The following GFRA2 variants were observed in gnomAD, a reference collection of about 807,000 sequenced individuals.
GFRA2 encodes GDNF family receptor alpha 2, also known as GDNF family receptor alpha-2.
A neutral mutation model predicts 48.3 loss-of-function variants in GFRA2; 17 were observed. The ratio of observed to expected loss-of-function variants is 0.35; its 90% CI spans 0.24 to 0.53. GFRA2 has a LOEUF of 0.53. Among genes scored for constraint, GFRA2 ranks in the 20% least tolerant of loss-of-function variants. GFRA2 has a pLI of 0.93. For synonymous variants in GFRA2, 305 were observed against 257.2 expected (o/e 1.19, Z -1.78); for missense variants, 660 against 637.3 (o/e 1.04, Z -0.38).
intron 3 of GFRA2, among the ~76,000 whole-genome samples, chr8:21,763,807 C>G (rs1430707987): frequency 6.6e-6 from 1 of 151,924 alleles, no homozygotes; most frequent in Non-Finnish European, 1.5e-5. Context: ...CCAGCCTACA[C>G]TTCCCAGCCT....
intron 3 of GFRA2, among the ~76,000 whole-genome samples, chr8:21,773,851 C>T (rs1585326524): frequency 6.6e-6 from 1 of 152,170 alleles, no homozygotes; most frequent in Non-Finnish European, 1.5e-5. Flanking sequence ...TGTCTGGGGA[C>T]ATCTTTGTTG....
At chr8:21,774,139 G>C (rs1442934567) in intron 3 of GFRA2, among the ~76,000 whole-genome samples, 2 of 151,956 alleles carry the variant, frequency 1.3e-5, no homozygotes, top group African/African-American at 4.8e-5. Flanking sequence ...CAATCCCCTA[G>C]AGGAGCTCAC....
intron 3 of GFRA2, among the ~76,000 whole-genome samples, chr8:21,757,714 A>G (rs1414636419): frequency 2.0e-5 from 3 of 151,966 alleles, no homozygotes; most frequent in Non-Finnish European, 4.4e-5. Context: ...TGTTGGCCAG[A>G]TGGTCTCGAA....
chr8:21,748,347 T>C (rs1805112290), intron 4 of GFRA2, among the ~76,000 whole-genome samples: 1 of 152,134 alleles, frequency 6.6e-6, no homozygotes, highest in Non-Finnish European at 1.5e-5. Flanking sequence ...CATCATTCAT[T>C]TATCCATTCA....
intron 2 of GFRA2, among the ~76,000 whole-genome samples, chr8:21,794,222 C>A (rs1183488214): frequency 2.1e-5 from 3 of 145,302 alleles, no homozygotes; most frequent in Admixed American, 6.9e-5. Flanking sequence ...TTAAGCTTAT[C>A]CTGAGAGTGA....
chr8:21,737,711 C>G (rs1804540417), intron 4 of GFRA2, among the ~76,000 whole-genome samples: 2 of 152,248 alleles, frequency 1.3e-5, no homozygotes, highest in South Asian at 4.1e-4. Context: ...AGCCTCCCTC[C>G]CTCTGGTCCC....
chr8:21,707,277 T>C (rs1802794873), intron 4 of GFRA2, among the ~76,000 whole-genome samples: 1 of 152,090 alleles, frequency 6.6e-6, no homozygotes, highest in African/African-American at 2.4e-5. Context: ...CATGAAGCCA[T>C]CTCCGAGTTC....
intron 2 of GFRA2, among the ~76,000 whole-genome samples, chr8:21,794,296 G>A (rs1190755296): frequency 1.6e-5 from 2 of 127,492 alleles, no homozygotes; most frequent in Non-Finnish European, 3.1e-5. Flanking sequence ...AGGCTGGAGT[G>A]CTAGAGTGCA....
chr8:21,729,775 G>A (rs1804089389), intron 4 of GFRA2, among the ~76,000 whole-genome samples: 1 of 152,014 alleles, frequency 6.6e-6, no homozygotes, highest in African/African-American at 2.4e-5. Context: ...ACCCCCAAAG[G>A]GCTTCTCAGA....
chr8:21,704,110 G>A (rs1454568354), intron 6 of GFRA2, among the ~76,000 whole-genome samples: 2 of 152,204 alleles, frequency 1.3e-5, no homozygotes, highest in Non-Finnish European at 2.9e-5. Flanking sequence ...ATGTAGCAAG[G>A]CTACGTGATT....
rs1466316392 is a variant in GFRA2, at chr8:21,690,537, T to A, written c.*2741A>T. On this transcript the variant is annotated 3_prime_UTR_variant, in exon 9 of 9. Coordinates refer to ENST00000524240, the MANE Select transcript of GFRA2 (RefSeq NM_001495.5). Reference sequence around the variant, plus strand: ...CATGTGATACTTGGATAGGGAGACATTTGAGGGCAGAGTAAAGCTAGCTAG... The same window carrying A: ...CATGTGATACTTGGATAGGGAGACAATTGAGGGCAGAGTAAAGCTAGCTAG... 1 of 152,218 alleles carries A rather than the reference T, an allele frequency of 6.6e-6. No homozygotes were observed. Among genetic ancestry groups the A allele is most frequent in the Admixed American group, 6.5e-5 (1 of 15,284 alleles). 9.4% of individuals were successfully genotyped at this position (152,218 alleles called of 1,614,324 possible). A position where few individuals can be genotyped will look rare whatever the true frequency, so the allele number is the denominator to read the frequency against.
chr8:21,716,709 G>A (rs928381209), intron 4 of GFRA2, among the ~76,000 whole-genome samples: 2 of 152,110 alleles, frequency 1.3e-5, no homozygotes, highest in East Asian at 1.9e-4. Flanking sequence ...GCATGCATAC[G>A]CCTCCAATAA....
intron 4 of GFRA2, among the ~76,000 whole-genome samples, chr8:21,747,005 C>A (rs1185325524): frequency 6.6e-6 from 1 of 152,138 alleles, no homozygotes; most frequent in Non-Finnish European, 1.5e-5. Context: ...CACTCCTCTA[C>A]CTGAGATGCC....
At chr8:21,811,128 C>T (rs143829981) in intron 1 of GFRA2, among the ~76,000 whole-genome samples, 1 of 152,340 alleles carries the variant, frequency 6.6e-6, no homozygotes, top group African/African-American at 2.4e-5. Context: ...AGGGCCAGGA[C>T]ACAGCCGGCA....
chr8:21,756,223 G>A (rs929597897), intron 3 of GFRA2, among the ~76,000 whole-genome samples: 5 of 152,202 alleles, frequency 3.3e-5, no homozygotes, highest in African/African-American at 9.7e-5. Context: ...CTTCCATTTG[G>A]AGCTTGAATA....
At chr8:21,747,654 T>TCCCTGG (rs937246037) in intron 4 of GFRA2, among the ~76,000 whole-genome samples, 2 of 151,778 alleles carry the variant, frequency 1.3e-5, no homozygotes, top group Non-Finnish European at 2.9e-5. Context: ...CTCTCTGCGG[T>TCCCTGG]CCCTGGCCCT....
chr8:21,798,404 T>G (rs1807715019), intron 2 of GFRA2, among the ~76,000 whole-genome samples: 1 of 151,658 alleles, frequency 6.6e-6, no homozygotes, highest in Non-Finnish European at 1.5e-5. Context: ...GGGATGTGTG[T>G]ACTGTTGAAT....
intron 7 of GFRA2, among the ~76,000 whole-genome samples, chr8:21,698,817 C>T (rs1585223151): frequency 6.6e-6 from 1 of 152,146 alleles, no homozygotes; most frequent in Admixed American, 6.5e-5. Context: ...AGCAGACCCC[C>T]ACTCAGCACT....
chr8:21,704,986 G>A lies in GFRA2; in HGVS notation c.1044C>T (p.Leu348=). ...TTGGGGAGAACATCCAGAACTTACG[G>A]AGGCATGGGTTCTCGGTGAAGTCCC... ...FLRDFTENPC[L]RNAIQAFGNG... Residue 348 remains leucine, a splice_region_variant and synonymous_variant, in exon 6 of 9, where the codon CTC becomes CTT. Coordinates refer to ENST00000524240, the MANE Select transcript of GFRA2 (RefSeq NM_001495.5). 6.2e-7 allele frequency: 1 copy of A among 1,609,380 alleles called. No individual in the cohort carries two copies.
Sources: allele counts gnomAD v4.1 joint callset (sites outside exome capture counted in the v4.1 genomes callset), GRCh38; gene constraint gnomAD v4.1.1; transcripts MANE v1.5; gene names NCBI Gene and HGNC (gene_info 2026-07-23, HGNC 2026-07-21).